EIF3A: variants seen among roughly 807,000 people sequenced by gnomAD.
The protein encoded by EIF3A is eukaryotic translation initiation factor 3 subunit A.
A neutral mutation model predicts 186.6 loss-of-function variants in EIF3A; 21 were observed. The observed-to-expected ratio is 0.11, with a 90% CI of 0.08 to 0.16. The LOEUF (loss-of-function observed/expected upper bound fraction) is 0.16. Among genes scored for constraint, EIF3A ranks in the 10% least tolerant of loss-of-function variants. The pLI is 1.00. For missense variants in EIF3A, 1,306 were observed against 1,796.3 expected, an observed-to-expected ratio of 0.73 and a Z score of 4.93; for synonymous variants, 563 against 584.3, an observed-to-expected ratio of 0.96 and a Z score of 0.52.
chr10:119,046,684 C>A (rs1047337088), intron 17 of EIF3A, among the ~76,000 whole-genome samples: 1 of 152,202 alleles, frequency 6.6e-6, no homozygotes, highest in African/African-American at 2.4e-5. Context: ...GGTGGCCAGG[C>A]ACAGTGGCTC....
At chr10:119,077,575 G>GA (rs1170598611) in intron 1 of EIF3A, among the ~76,000 whole-genome samples, 1 of 145,788 alleles carries the variant, frequency 6.9e-6, no homozygotes, top group East Asian at 2.0e-4. Context: ...TTTTTTTGGA[G>GA]AAGGAGTCTC....
chr10:119,038,840 G>A (rs1001090101), intron 19 of EIF3A, among the ~76,000 whole-genome samples: 1 of 152,066 alleles, frequency 6.6e-6, no homozygotes, highest in Non-Finnish European at 1.5e-5. Context: ...CATGAGAACT[G>A]CTTGAACCTG....
chr10:119,065,097 C>G (rs1320780170), intron 7 of EIF3A, among the ~76,000 whole-genome samples: 1 of 152,130 alleles, frequency 6.6e-6, no homozygotes, highest in Non-Finnish European at 1.5e-5. Flanking sequence ...TTCCTAGAGC[C>G]TCCATGAAAT....
intron 20 of EIF3A, 190 bp downstream of exon 20, chr10:119,038,048 C>G (rs1464791320): frequency 1.9e-6 from 1 of 528,742 alleles, no homozygotes; most frequent in African/African-American, 1.9e-5. Context: ...TCCTGAGTAG[C>G]TGGGATTACA....
intron 17 of EIF3A, among the ~76,000 whole-genome samples, chr10:119,049,273 AACATGGTG>A (rs1443418269): frequency 6.6e-6 from 1 of 152,190 alleles, no homozygotes; most frequent in Non-Finnish European, 1.5e-5. Flanking sequence ...CAACCTGGCC[AACATGGTG>A]AAACCATATT....
chr10:119,047,979 A>C (rs1259120273), intron 17 of EIF3A, among the ~76,000 whole-genome samples: 1 of 152,134 alleles, frequency 6.6e-6, no homozygotes, highest in Non-Finnish European at 1.5e-5. Context: ...TCCCAAGCAA[A>C]AGGAAGAGCG....
intron 17 of EIF3A, 41 bp downstream of exon 17, chr10:119,049,760 T>C (rs1472060516): frequency 1.3e-6 from 2 of 1,525,266 alleles, no homozygotes; most frequent in Admixed American, 2.0e-5. Flanking sequence ...AAAAAAAAAG[T>C]CACATTAAAA....
intron 7 of EIF3A, among the ~76,000 whole-genome samples, chr10:119,063,945 G>A (rs370279329): frequency 6.6e-6 from 1 of 152,164 alleles, no homozygotes; most frequent in African/African-American, 2.4e-5. Flanking sequence ...CCACTGTAGT[G>A]GTGCGTGCCT....
chr10:119,066,978 C>T (rs541662610), intron 6 of EIF3A, among the ~76,000 whole-genome samples: 2 of 151,520 alleles, frequency 1.3e-5, no homozygotes, highest in Non-Finnish European at 2.9e-5. Flanking sequence ...TTTGGGAGGC[C>T]GAGGCAGGTG....
intron 14 of EIF3A, 74 bp downstream of exon 14, chr10:119,056,666 T>C: frequency 4.1e-6 from 4 of 973,458 alleles, no homozygotes; most frequent in South Asian, 2.8e-5. Context: ...AAAGCAATTC[T>C]GAATCCTTGG....
At position 119,058,096 on chromosome 10, in the gene EIF3A, G is replaced by A. The variant is rs1386077522; in HGVS notation, c.1837C>T (p.Arg613Cys). 6.2e-6 allele frequency: 10 copies of A among 1,613,888 alleles called. No individual in the cohort carries two copies. The highest frequency in any genetic ancestry group is 1.1e-5 in the South Asian group (1 of 91,076). ...TTCTCTCTCTCCTTTGCTTCCTGGC[G>A]CAGCCTCTCTTCCTCAGCCTTCCGC... ...KVRKAEEERL[R>C]QEAKEREKER... The change falls in exon 12 of 22, where the codon CGC (arginine) becomes TGC (cysteine). Residue 613 changes from arginine to cysteine, a missense_variant. Coordinates refer to ENST00000369144, the MANE Select transcript of EIF3A (RefSeq NM_003750.4).
chr10:119,034,887 C>A lies in EIF3A; in HGVS notation c.*1152G>T, dbSNP rs1848107171. Reference sequence around the variant, plus strand: ...ACATGTTAGGGGGACATCCTAGCCACATATGCTTTCTTTGTTATATTTAGG... The same window carrying A: ...ACATGTTAGGGGGACATCCTAGCCAAATATGCTTTCTTTGTTATATTTAGG... On this transcript the variant is annotated 3_prime_UTR_variant, in exon 22 of 22. Transcript: ENST00000369144. 6.6e-6 allele frequency: 1 copy of A among 152,342 alleles called. No individual in the cohort carries two copies. Among genetic ancestry groups the A allele is most frequent in the African/African-American group, 2.4e-5 (1 of 41,440 alleles). The allele number at this position is 152,342 out of a possible 1,614,324, so 9.4% of individuals were successfully genotyped here. A position where few individuals can be genotyped will look rare whatever the true frequency, so the allele number is the denominator to read the frequency against.
intron 14 of EIF3A, among the ~76,000 whole-genome samples, chr10:119,054,721 C>A (rs1220556171): frequency 2.0e-5 from 1 of 49,006 alleles, no homozygotes; most frequent in East Asian, 6.5e-4. Flanking sequence ...CGGCGAAACT[C>A]CATCTCAAAA....
At chr10:119,045,371 T>G (rs535638472) in intron 17 of EIF3A, among the ~76,000 whole-genome samples, 128 of 152,324 alleles carry the variant, frequency 8.4e-4, no homozygotes, top group Middle Eastern at 3.4e-3. Flanking sequence ...CAGCTAATGA[T>G]TCTGGGCTGT....
intron 1 of EIF3A, among the ~76,000 whole-genome samples, chr10:119,074,975 A>C (rs370113452): frequency 6.3e-5 from 6 of 95,232 alleles, no homozygotes; most frequent in Admixed American, 3.3e-4. Context: ...AAAATAACTT[A>C]TTTTTTTTCT....
chr10:119,042,679 C>T lies in EIF3A; in HGVS notation c.2841G>A (p.Glu947=), dbSNP rs1399657552. 6.2e-7 allele frequency: 1 copy of T among 1,614,162 alleles called. No homozygotes were observed. The highest frequency in any genetic ancestry group is 2.2e-5 in the East Asian group (1 of 44,882). Residue 947 remains glutamate (E), a synonymous_variant, in exon 19 of 22, where the codon GAG becomes GAA. Coordinates refer to ENST00000369144, the MANE Select transcript of EIF3A (RefSeq NM_003750.4). This position sits in a 1 kb window ranked among gnomAD's most constrained non-coding sequence, Gnocchi z 7.8. ...PRRLGDDEDR[E]PSLRPDDDRV... ...GATCATCGTCTGGTCTAAGAGAGGG[C>T]TCTCTATCTTCATCATCCCCCAGAC...
intron 15 of EIF3A, 57 bp downstream of exon 15, chr10:119,051,142 T>G: frequency 6.6e-7 from 1 of 1,510,722 alleles, no homozygotes; most frequent in Non-Finnish European, 8.9e-7. Context: ...GGGAGAACCC[T>G]TAGGCCAATA....
intron 14 of EIF3A, among the ~76,000 whole-genome samples, chr10:119,053,317 A>G (rs1205178963): frequency 6.6e-6 from 1 of 152,148 alleles, no homozygotes; most frequent in African/African-American, 2.4e-5. Context: ...CTAAACAGTG[A>G]GCATACCCTT....
Position 119,035,866 on chromosome 10 carries a change from G to C in EIF3A, c.*173C>G. 1 of 516,080 alleles carries C rather than the reference G, an allele frequency of 1.9e-6. No individual in the cohort carries two copies. The highest frequency in any genetic ancestry group is 3.4e-6 in the Non-Finnish European group (1 of 293,152). 32.0% of individuals were successfully genotyped at this position (516,080 alleles called of 1,614,324 possible). On this transcript the variant is annotated 3_prime_UTR_variant, in exon 22 of 22. Coordinates refer to ENST00000369144, the MANE Select transcript of EIF3A (RefSeq NM_003750.4). ...GGCATGGTTTTTCCAACCTCCTGTG[G>C]ATATGGTGCATGATCAATCTATTAT...
Sources: gnomAD v4.1 joint callset for allele counts (sites outside exome capture counted in the v4.1 genomes callset) on GRCh38, gnomAD v4.1.1 for gene constraint, Gnocchi (gnomAD v3.1) non-coding constraint, MANE v1.5 for transcripts, NCBI Gene and HGNC (gene_info 2026-07-23, HGNC 2026-07-21) for gene names.